Variants in LCLAT1 observed in about 807,000 individuals in gnomAD.
The protein encoded by LCLAT1 is 1-AGP acyltransferase 8.
In LCLAT1, 11 loss-of-function variants were observed where a neutral mutation model predicts 30.7. The observed-to-expected ratio is 0.36, with a 90% CI of 0.23 to 0.59. The LOEUF is 0.59. Ranked by LOEUF, LCLAT1 falls within the 20% of genes least tolerant of loss-of-function variation. The pLI, the probability that LCLAT1 is intolerant of heterozygous loss-of-function variation, is 0.77. For missense variants in LCLAT1, 402 were observed against 458.6 expected (o/e 0.88, Z 1.13); for synonymous variants, 155 against 151.3 (o/e 1.02, Z -0.18).
At chr2:30,533,611 G>A (rs1686086031) in intron 3 of LCLAT1, among the ~76,000 whole-genome samples, 1 of 152,146 alleles carries the variant, frequency 6.6e-6, no homozygotes, top group Non-Finnish European at 1.5e-5. Flanking sequence ...TTTTATTGCA[G>A]GTAGTACTTG....
chr2:30,553,732 G>A (rs1381011638), intron 3 of LCLAT1, among the ~76,000 whole-genome samples: 5 of 151,972 alleles, frequency 3.3e-5, no homozygotes, highest in Admixed American at 1.3e-4. Flanking sequence ...GGAGAATGGC[G>A]TGAACCCGGG....
At chr2:30,629,746 A>T (rs904833908) in intron 5 of LCLAT1, among the ~76,000 whole-genome samples, 1 of 152,190 alleles carries the variant, frequency 6.6e-6, no homozygotes, top group Non-Finnish European at 1.5e-5. Context: ...AGTTAAGCTT[A>T]TGAAGGTATC....
chr2:30,495,058 A>G (rs1230354585), intron 1 of LCLAT1, among the ~76,000 whole-genome samples: 2 of 149,800 alleles, frequency 1.3e-5, no homozygotes. Flanking sequence ...AGTTCCTATT[A>G]TAAGATTGAT....
intron 3 of LCLAT1, among the ~76,000 whole-genome samples, chr2:30,553,003 A>G (rs1221712727): frequency 6.6e-6 from 1 of 152,186 alleles, no homozygotes; most frequent in Non-Finnish European, 1.5e-5. Context: ...TTCTGGTGTC[A>G]TATTCATAGT....
At chr2:30,558,467 G>A (rs933782563) in intron 3 of LCLAT1, among the ~76,000 whole-genome samples, 1 of 152,040 alleles carries the variant, frequency 6.6e-6, no homozygotes, top group Admixed American at 6.6e-5. Flanking sequence ...GGGCATGGTG[G>A]CATGTGCCTG....
chr2:30,521,660 C>T (rs911012465), intron 1 of LCLAT1, among the ~76,000 whole-genome samples: 2 of 151,792 alleles, frequency 1.3e-5, no homozygotes, highest in Non-Finnish European at 2.9e-5. Flanking sequence ...GCACGCGCCA[C>T]CATGCCCAGC....
chr2:30,467,881 C>T (rs1018935798), intron 1 of LCLAT1, among the ~76,000 whole-genome samples: 14 of 152,174 alleles, frequency 9.2e-5, no homozygotes, highest in African/African-American at 3.1e-4. Flanking sequence ...GTCTCCCATT[C>T]TGTAAGTTGC....
chr2:30,478,272 T>C (rs1683144675), intron 1 of LCLAT1, among the ~76,000 whole-genome samples: 1 of 152,114 alleles, frequency 6.6e-6, no homozygotes, highest in Non-Finnish European at 1.5e-5. Flanking sequence ...GAAGTTGGCT[T>C]TTGTAGGCTG....
intron 1 of LCLAT1, among the ~76,000 whole-genome samples, chr2:30,459,356 T>G (rs1364686360): frequency 1.3e-5 from 2 of 152,174 alleles, no homozygotes; most frequent in African/African-American, 4.8e-5. Flanking sequence ...GGCTCTCACC[T>G]CAGTCTTTTG....
chr2:30,502,739 T>TAGATATACCACTTTTGTTTATCCGTA (rs1166150977), intron 1 of LCLAT1, among the ~76,000 whole-genome samples: 17 of 152,214 alleles, frequency 1.1e-4, no homozygotes, highest in Admixed American at 2.0e-4. Flanking sequence ...TATCTACTGA[T>TAGATATACCACTTTTGTTTATCCGTA]AGATATACCA....
intron 5 of LCLAT1, among the ~76,000 whole-genome samples, chr2:30,593,682 G>A (rs1044613661): frequency 1.3e-5 from 2 of 152,200 alleles, no homozygotes; most frequent in African/African-American, 4.8e-5. Flanking sequence ...CTTGAAGTAA[G>A]AAAGATTCTT....
intron 5 of LCLAT1, among the ~76,000 whole-genome samples, chr2:30,580,533 C>A (rs575526387): frequency 6.6e-6 from 1 of 152,286 alleles, no homozygotes; most frequent in South Asian, 2.1e-4. Flanking sequence ...GTTTAGATGA[C>A]TGCTACAGGG....
intron 1 of LCLAT1, among the ~76,000 whole-genome samples, chr2:30,480,169 A>G (rs1031489567): frequency 2.0e-5 from 3 of 152,226 alleles, no homozygotes; most frequent in African/African-American, 7.2e-5. Context: ...TAAAAGTAGC[A>G]AAAGGGCCAA....
chr2:30,631,884 C>G (rs1668785075), intron 5 of LCLAT1, among the ~76,000 whole-genome samples: 1 of 152,144 alleles, frequency 6.6e-6, no homozygotes, highest in African/African-American at 2.4e-5. Context: ...TTCTTTAACT[C>G]CAGCCTCAGC....
At chr2:30,503,432 C>CT (rs1452580366) in intron 1 of LCLAT1, among the ~76,000 whole-genome samples, 1 of 152,108 alleles carries the variant, frequency 6.6e-6, no homozygotes, top group Admixed American at 6.5e-5. Flanking sequence ...TATTGTAACT[C>CT]TATGTTTAAC....
chr2:30,594,042 G>T (rs928983944), intron 5 of LCLAT1, among the ~76,000 whole-genome samples: 2 of 151,710 alleles, frequency 1.3e-5, no homozygotes, highest in Non-Finnish European at 2.9e-5. Flanking sequence ...TGTAATATAG[G>T]TTTTATGTTT....
intron 5 of LCLAT1, among the ~76,000 whole-genome samples, chr2:30,573,808 G>A (rs952984855): frequency 6.6e-6 from 1 of 152,094 alleles, no homozygotes; most frequent in Non-Finnish European, 1.5e-5. Flanking sequence ...CTTCAGCACA[G>A]GGCCTGGCAA....
chr2:30,449,175 A>G (rs1681417841), intron 1 of LCLAT1, among the ~76,000 whole-genome samples: 4 of 152,246 alleles, frequency 2.6e-5, no homozygotes, highest in Admixed American at 2.0e-4. Flanking sequence ...TTACTGTCTT[A>G]CTACCACCAT....
At chr2:30,530,157 T>G (rs1273854379) in intron 2 of LCLAT1, among the ~76,000 whole-genome samples, 3 of 152,254 alleles carry the variant, frequency 2.0e-5, no homozygotes, top group Non-Finnish European at 4.4e-5. Context: ...TTGTTACTCT[T>G]CAATATAAGA....
Sources: allele counts gnomAD v4.1 joint callset (sites outside exome capture counted in the v4.1 genomes callset), GRCh38; gene constraint gnomAD v4.1.1; transcripts MANE v1.5; gene names NCBI Gene and HGNC (gene_info 2026-07-23, HGNC 2026-07-21).